GREB1L: variants seen among roughly 807,000 people sequenced by gnomAD.
The protein encoded by GREB1L is GREB1-like protein.
A neutral mutation model predicts 200.8 loss-of-function variants in GREB1L; 17 were observed. The observed-to-expected ratio is 0.08, with a 90% CI of 0.06 to 0.13. The LOEUF (loss-of-function observed/expected upper bound fraction) is 0.13, where lower values mean the gene tolerates loss of function less well. Ranked by LOEUF, GREB1L falls within the 10% of genes least tolerant of loss-of-function variation. GREB1L has a pLI of 1.00. For synonymous variants in GREB1L, 789 were observed against 893.0 expected, an observed-to-expected ratio of 0.88 and a Z score of 2.08; for missense variants, 1,657 against 2,367.7, an observed-to-expected ratio of 0.70 and a Z score of 6.23.
intron 2 of GREB1L, among the ~76,000 whole-genome samples, chr18:21,379,316 C>T (rs1438160499): frequency 6.6e-6 from 1 of 152,196 alleles, no homozygotes; most frequent in Non-Finnish European, 1.5e-5. Flanking sequence ...AAGCGATTCT[C>T]CTGCCTCAGC....
At chr18:21,438,725 G>A (rs1303630147) in intron 7 of GREB1L, among the ~76,000 whole-genome samples, 6 of 151,506 alleles carry the variant, frequency 4.0e-5, no homozygotes, top group African/African-American at 1.5e-4. Flanking sequence ...TTGGGAGGCC[G>A]AGGCGGGCGG....
At chr18:21,309,889 A>G (rs1239153934) in intron 1 of GREB1L, among the ~76,000 whole-genome samples, 1 of 152,082 alleles carries the variant, frequency 6.6e-6, no homozygotes, top group Non-Finnish European at 1.5e-5. Flanking sequence ...GCAATGCACA[A>G]AACAGCCCCC....
chr18:21,419,870 C>CA (rs1224339364), intron 7 of GREB1L, among the ~76,000 whole-genome samples: 1 of 151,984 alleles, frequency 6.6e-6, no homozygotes, highest in African/African-American at 2.4e-5. Context: ...ATCTATGTCT[C>CA]ACACCACATA....
intron 7 of GREB1L, among the ~76,000 whole-genome samples, chr18:21,414,502 G>T (rs1413642811): frequency 6.6e-6 from 1 of 152,138 alleles, no homozygotes; most frequent in Non-Finnish European, 1.5e-5. Context: ...TCTCTCGTCA[G>T]CTCTGCATGT....
intron 7 of GREB1L, among the ~76,000 whole-genome samples, chr18:21,434,575 A>ATATATGTGTG (rs1233833285): frequency 6.0e-5 from 9 of 149,246 alleles, no homozygotes; most frequent in South Asian, 2.1e-4. Flanking sequence ...ATGTGTGTAT[A>ATATATGTGTG]TATATATATA....
intron 7 of GREB1L, among the ~76,000 whole-genome samples, chr18:21,429,429 A>C (rs1363576154): frequency 6.6e-6 from 1 of 150,906 alleles, no homozygotes; most frequent in Non-Finnish European, 1.5e-5. Context: ...TGTAGCCTCA[A>C]ACTTCCTAGC....
chr18:21,503,670 A>G (rs1425678149), intron 23 of GREB1L, among the ~76,000 whole-genome samples: 1 of 149,670 alleles, frequency 6.7e-6, no homozygotes. Flanking sequence ...TCTGCTTCCC[A>G]GGTTCAGGCG....
chr18:21,352,956 C>T (rs1310299715), intron 1 of GREB1L, among the ~76,000 whole-genome samples: 3 of 151,798 alleles, frequency 2.0e-5, no homozygotes, highest in East Asian at 2.0e-4. Context: ...CCGAGGTGGG[C>T]GGATCATGAG....
At chr18:21,490,464 A>G (rs2145852612) in intron 19 of GREB1L, 113 bp downstream of exon 19, 1 of 819,398 alleles carries the variant, frequency 1.2e-6, no homozygotes, top group Non-Finnish European at 1.9e-6. Flanking sequence ...GTGTGATTCC[A>G]TGACAATGAT....
chr18:21,417,654 C>A (rs2031769197), intron 7 of GREB1L, among the ~76,000 whole-genome samples: 1 of 152,066 alleles, frequency 6.6e-6, no homozygotes, highest in African/African-American at 2.4e-5. Context: ...GATAGATGGA[C>A]TTGATAGCAG....
At position 21,392,734 on chromosome 18, in the gene GREB1L, G is replaced by A. The variant is rs563174756; in HGVS notation, c.356-2651G>A. Among the ~76,000 whole-genome samples the A allele has an allele frequency of 9.9e-5, 15 of 151,598 alleles. No homozygotes were observed. In the East Asian group the frequency reaches 2.5e-3, roughly 25 times the overall value. ...TATGGTAAATTTAATATGCCCCACCGCTTCATCCATTTTTTTAAATTTAAA... is the reference window on the plus strand; with the variant it reads ...TATGGTAAATTTAATATGCCCCACCACTTCATCCATTTTTTTAAATTTAAA... On this transcript the variant is annotated intron_variant, in intron 4 of 32. Transcript: ENST00000424526.
intron 1 of GREB1L, among the ~76,000 whole-genome samples, chr18:21,327,982 G>A (rs1471544483): frequency 6.6e-6 from 1 of 152,146 alleles, no homozygotes; most frequent in African/African-American, 2.4e-5. Context: ...CCAAAGTGCT[G>A]GGATTACAGG....
intron 1 of GREB1L, among the ~76,000 whole-genome samples, chr18:21,261,951 T>G (rs567434205): frequency 3.3e-5 from 5 of 152,280 alleles, no homozygotes; most frequent in Admixed American, 3.3e-4. Flanking sequence ...AGATTTTTAC[T>G]TATGCCATTC....
chr18:21,449,530 A>G lies in GREB1L; in HGVS notation c.1414A>G (p.Arg472Gly). The change falls in exon 12 of 33, where the codon AGG becomes GGG. Residue 472 changes from arginine (R) to glycine (G), a missense_variant. Physicochemically the swap from Arg to Gly is moderately radical, Grantham distance 125. This residue lies in a region of GREB1L where 289 missense variants were observed against 345.1 expected (regional missense o/e 0.84). Coordinates refer to ENST00000424526, the MANE Select transcript of GREB1L (RefSeq NM_001142966.3). ...VRLGPDQVPL[R>G]EEFEQIMLKA... ...TATAGGTCCTGATCAGGTACCTCTCAGGGAAGAATTTGAGCAAATTATGCT... is the reference window on the plus strand; with the variant it reads ...TATAGGTCCTGATCAGGTACCTCTCGGGGAAGAATTTGAGCAAATTATGCT... 6.5e-7 allele frequency: 1 copy of G among 1,546,296 alleles called. No homozygotes were observed.
At chr18:21,458,764 G>A (rs1359263503) in intron 15 of GREB1L, among the ~76,000 whole-genome samples, 2 of 152,224 alleles carry the variant, frequency 1.3e-5, no homozygotes, top group African/African-American at 4.8e-5. Context: ...TTTGCGTAAC[G>A]TAGACTTGTA....
intron 7 of GREB1L, among the ~76,000 whole-genome samples, chr18:21,430,307 C>T (rs775286143): frequency 4.6e-5 from 7 of 151,604 alleles, no homozygotes; most frequent in South Asian, 4.2e-4. Flanking sequence ...AGTGATGCCC[C>T]GTCTTTTATT....
At chr18:21,362,618 T>C (rs183813324) in intron 1 of GREB1L, among the ~76,000 whole-genome samples, 1 of 152,330 alleles carries the variant, frequency 6.6e-6, no homozygotes, top group African/African-American at 2.4e-5. Context: ...TTTCCTGTGT[T>C]GCTCGATATC....
intron 7 of GREB1L, among the ~76,000 whole-genome samples, chr18:21,415,317 C>G (rs1389832472): frequency 6.6e-6 from 1 of 152,118 alleles, no homozygotes; most frequent in South Asian, 2.1e-4. Flanking sequence ...GAGTTTGAGA[C>G]CAGCCTGGGC....
At chr18:21,438,706 C>T (rs1235901172) in intron 7 of GREB1L, among the ~76,000 whole-genome samples, 2 of 150,718 alleles carry the variant, frequency 1.3e-5, no homozygotes, top group Non-Finnish European at 2.9e-5. Context: ...TGCCTGTAAT[C>T]GCAGCACTTT....
Sources: allele counts gnomAD v4.1 joint callset (sites outside exome capture counted in the v4.1 genomes callset), GRCh38; gene constraint gnomAD v4.1.1; regional missense constraint gnomAD v4.1.1; transcripts MANE v1.5; gene names NCBI Gene and HGNC (gene_info 2026-07-23, HGNC 2026-07-21).